Variants in TTLL5 observed in about 807,000 individuals in gnomAD.
TTLL5 encodes tubulin tyrosine ligase like 5.
TTLL5 carries 132 observed loss-of-function variants against 168.4 expected under a neutral mutation model. The ratio of observed to expected loss-of-function variants is 0.78; its 90% CI spans 0.68 to 0.91. The LOEUF is 0.91. Among genes scored for constraint, TTLL5 ranks in the 40% least tolerant of loss-of-function variants. TTLL5 has a pLI of 0.00. For missense variants in TTLL5, 1,545 were observed against 1,581.5 expected (o/e 0.98, Z 0.39); for synonymous variants, 546 against 558.6 (o/e 0.98, Z 0.32).
At chr14:75,852,622 A>G (rs1311367704) in intron 28 of TTLL5, among the ~76,000 whole-genome samples, 1 of 152,242 alleles carries the variant, frequency 6.6e-6, no homozygotes, top group African/African-American at 2.4e-5. Flanking sequence ...GAAAAGCAGA[A>G]GAGAGTATAC....
rs1358936705 is a variant in TTLL5 at position 75,663,275 on chromosome 14, T to C, written c.74+52T>C. ...CCTGTGCTTTGTACTCTTTCACTTA[T>C]ATACTCTTATATACTGTTTTACTAT... is the stretch of plus-strand genomic sequence containing the variant. On this transcript the variant is annotated intron_variant, in intron 2 of 31. Transcript: ENST00000298832. 9.6e-6 allele frequency: 14 copies of C among 1,457,004 alleles called. No homozygotes were observed. The South Asian group carries it at 1.2e-4, about 13-fold the overall frequency. 90.3% of individuals were successfully genotyped at this position (1,457,004 alleles called of 1,614,324 possible). A position where few individuals can be genotyped will look rare whatever the true frequency, so the allele number is the denominator to read the frequency against.
chr14:75,677,290 A>G (rs1318496146), intron 3 of TTLL5, among the ~76,000 whole-genome samples: 2 of 152,024 alleles, frequency 1.3e-5, no homozygotes, highest in Non-Finnish European at 2.9e-5. Flanking sequence ...AATTGATCAT[A>G]GAGAAATTAA....
At chr14:75,924,137 C>G (rs1326100449) in intron 31 of TTLL5, among the ~76,000 whole-genome samples, 1 of 151,612 alleles carries the variant, frequency 6.6e-6, no homozygotes, top group East Asian at 1.9e-4. Flanking sequence ...GATGGGTCTC[C>G]TTAATACAGC....
intron 31 of TTLL5, among the ~76,000 whole-genome samples, chr14:75,950,850 C>T (rs191161701): frequency 1.3e-5 from 2 of 152,166 alleles, no homozygotes; most frequent in Non-Finnish European, 2.9e-5. Context: ...CGCCTGTGGT[C>T]CCAGCTACTC....
chr14:75,686,664 A>G (rs1447483759), intron 5 of TTLL5, among the ~76,000 whole-genome samples: 1 of 152,248 alleles, frequency 6.6e-6, no homozygotes, highest in African/African-American at 2.4e-5. Flanking sequence ...CTGATGTTTT[A>G]GTAGCTAATC....
intron 28 of TTLL5, among the ~76,000 whole-genome samples, 167 bp downstream of exon 28, chr14:75,820,328 T>C (rs1408772087): frequency 6.6e-6 from 1 of 152,220 alleles, no homozygotes; most frequent in Non-Finnish European, 1.5e-5. Flanking sequence ...TCATTTTATT[T>C]GTAAGACAGT....
At chr14:75,859,694 C>T (rs1157087243) in intron 28 of TTLL5, among the ~76,000 whole-genome samples, 8 of 152,048 alleles carry the variant, frequency 5.3e-5, no homozygotes, top group East Asian at 3.8e-4. Flanking sequence ...AAATAGAATT[C>T]GTTGAGGTTC....
intron 28 of TTLL5, among the ~76,000 whole-genome samples, chr14:75,849,515 T>C (rs1896736755): frequency 6.6e-6 from 1 of 152,212 alleles, no homozygotes; most frequent in Non-Finnish European, 1.5e-5. Flanking sequence ...AGACGCCGAA[T>C]ATATAAACTG....
chr14:75,833,120 T>G (rs1895672416), intron 28 of TTLL5, among the ~76,000 whole-genome samples: 1 of 152,210 alleles, frequency 6.6e-6, no homozygotes, highest in Non-Finnish European at 1.5e-5. Context: ...TCAGCACCTC[T>G]CAGCCTCACT....
At chr14:75,711,248 A>C (rs1304350792) in intron 9 of TTLL5, 4 of 152,208 alleles carry the variant, frequency 2.6e-5, no homozygotes, top group African/African-American at 9.6e-5. Flanking sequence ...TGATTCCCAC[A>C]GTAGCCCTCA....
chr14:75,696,260 A>G (rs993570729), intron 6 of TTLL5, among the ~76,000 whole-genome samples: 3 of 152,042 alleles, frequency 2.0e-5, no homozygotes, highest in African/African-American at 7.2e-5. Flanking sequence ...CATTGCCTGT[A>G]ATTACTTGTT....
intron 31 of TTLL5, among the ~76,000 whole-genome samples, chr14:75,924,044 C>CT (rs55779705): frequency 0.74 from 105,348 of 142,884 alleles, 38,584 homozygotes; most frequent in Admixed American, 0.79. Context: ...GCAACCCCAG[C>CT]TTTTTTTTTT....
intron 28 of TTLL5, among the ~76,000 whole-genome samples, chr14:75,843,040 A>G (rs1405048161): frequency 6.6e-6 from 1 of 152,148 alleles, no homozygotes; most frequent in Non-Finnish European, 1.5e-5. Context: ...GTATGCCCAA[A>G]TTTCTTTTCT....
At chr14:75,714,644 T>G (rs1468136902) in intron 9 of TTLL5, among the ~76,000 whole-genome samples, 2 of 152,242 alleles carry the variant, frequency 1.3e-5, no homozygotes, top group East Asian at 3.8e-4. Flanking sequence ...GTCCCAGATT[T>G]GGCCAGTGGG....
chr14:75,707,593 T>C, intron 8 of TTLL5, 30 bp from the exon 9 acceptor site: 1 of 1,597,984 alleles, frequency 6.3e-7, no homozygotes, highest in Non-Finnish European at 8.5e-7. Context: ...ACTTAGTTTT[T>C]TTTTGTGAAT....
At chr14:75,716,756 T>C (rs1021136514) in intron 9 of TTLL5, among the ~76,000 whole-genome samples, 1 of 152,204 alleles carries the variant, frequency 6.6e-6, no homozygotes, top group Non-Finnish European at 1.5e-5. Flanking sequence ...TTTGTTGATA[T>C]TGAGCATCAC....
At position 75,824,068 on chromosome 14, in the gene TTLL5, C is replaced by A. The variant is rs79841791; in HGVS notation, c.3326+3907C>A. Among the ~76,000 whole-genome samples, 600 of 152,230 alleles carry A rather than the reference C, an allele frequency of 3.9e-3. 7 individuals carry two copies. Among genetic ancestry groups the A allele is most frequent in the African/African-American group, 0.014 (584 of 41,526 alleles). ...CTCATCTTTTCATTCTCAGTCAGTC[C>A]TCAGAAATACTGAATTTGTTAATTT... On this transcript the variant is annotated intron_variant, in intron 28 of 31. Transcript: ENST00000298832.
At chr14:75,878,452 A>G (rs2031620785) in intron 29 of TTLL5, among the ~76,000 whole-genome samples, 1 of 152,196 alleles carries the variant, frequency 6.6e-6, no homozygotes, top group Non-Finnish European at 1.5e-5. Context: ...AACAGGGAAC[A>G]TGAAAGGGCA....
intron 31 of TTLL5, chr14:75,930,599 A>G: frequency 1.0e-6 from 1 of 985,296 alleles, no homozygotes; most frequent in Non-Finnish European, 1.2e-6. Context: ...CGTTTCTTGC[A>G]GAGAACAAGA....
Sources: allele counts gnomAD v4.1 joint callset (sites outside exome capture counted in the v4.1 genomes callset), GRCh38; gene constraint gnomAD v4.1.1; transcripts MANE v1.5; gene names NCBI Gene and HGNC (gene_info 2026-07-23, HGNC 2026-07-21).